The following CTNND2 variants were observed in gnomAD, a reference collection of about 807,000 sequenced individuals.
CTNND2 encodes the protein catenin delta-2.
A neutral mutation model predicts 144.4 loss-of-function variants in CTNND2; 22 were observed. That is an observed-to-expected ratio of 0.15 (90% CI 0.11 to 0.22). The LOEUF (loss-of-function observed/expected upper bound fraction) is 0.22. Among genes scored for constraint, CTNND2 ranks in the 10% least tolerant of loss-of-function variants. The pLI, the probability that CTNND2 is intolerant of heterozygous loss-of-function variation, is 1.00. For synonymous variants in CTNND2, 751 were observed against 695.6 expected, an observed-to-expected ratio of 1.08 and a Z score of -1.25; for missense variants, 1,353 against 1,618.8, an observed-to-expected ratio of 0.84 and a Z score of 2.82.
intron 11 of CTNND2, among the ~76,000 whole-genome samples, chr5:11,189,353 C>T (rs1261383565): frequency 6.6e-6 from 1 of 152,162 alleles, no homozygotes; most frequent in African/African-American, 2.4e-5. Flanking sequence ...TGACTTTGAA[C>T]AACATGGTTT....
At chr5:11,409,012 C>T (rs1761309533) in intron 5 of CTNND2, among the ~76,000 whole-genome samples, 1 of 151,904 alleles carries the variant, frequency 6.6e-6, no homozygotes, top group Non-Finnish European at 1.5e-5. Flanking sequence ...TTAAGATTTT[C>T]CCCAAATAAG....
At chr5:11,413,076 T>C (rs1047508898) in intron 3 of CTNND2, among the ~76,000 whole-genome samples, 3 of 152,142 alleles carry the variant, frequency 2.0e-5, no homozygotes, top group African/African-American at 7.2e-5. Context: ...TTAAGAGACA[T>C]GTGACTGTTA....
intron 2 of CTNND2, among the ~76,000 whole-genome samples, chr5:11,589,316 A>ACACACG (rs1215796926): frequency 7.1e-4 from 77 of 108,892 alleles, no homozygotes; most frequent in Middle Eastern, 6.0e-3. Context: ...CACACACGAC[A>ACACACG]ACAACAACAA....
chr5:11,222,001 A>T (rs145564752), intron 10 of CTNND2, among the ~76,000 whole-genome samples: 1 of 152,358 alleles, frequency 6.6e-6, no homozygotes, highest in African/African-American at 2.4e-5. Flanking sequence ...TCTCTAAACG[A>T]TGACATATCA....
intron 9 of CTNND2, among the ~76,000 whole-genome samples, chr5:11,293,655 T>C (rs1010297198): frequency 6.6e-6 from 1 of 151,310 alleles, no homozygotes; most frequent in African/African-American, 2.4e-5. Context: ...GTAGAGCAAC[T>C]GAATGAAAAA....
chr5:11,073,715 C>G (rs1190731487), intron 16 of CTNND2, among the ~76,000 whole-genome samples: 2 of 152,254 alleles, frequency 1.3e-5, no homozygotes, highest in East Asian at 3.9e-4. Context: ...AAATTAGGTT[C>G]TGGGGTTTAG....
intron 2 of CTNND2, among the ~76,000 whole-genome samples, chr5:11,621,280 C>T (rs1561628380): frequency 6.6e-6 from 1 of 151,908 alleles, no homozygotes; most frequent in African/African-American, 2.4e-5. Context: ...TCTGGCAATG[C>T]AAAAAAATCT....
At chr5:11,779,195 T>G (rs184280297) in intron 1 of CTNND2, among the ~76,000 whole-genome samples, 3 of 152,298 alleles carry the variant, frequency 2.0e-5, no homozygotes, top group East Asian at 3.9e-4. Context: ...ACATACTGAG[T>G]GTAAAACAAT....
At chr5:11,364,650 C>G (rs375723001) in intron 8 of CTNND2, 46 bp downstream of exon 8, 3 of 1,513,036 alleles carry the variant, frequency 2.0e-6, no homozygotes, top group African/African-American at 2.8e-5. Flanking sequence ...CCGCGCAGAG[C>G]CCACCCCCTG....
At chr5:11,597,980 A>T (rs1053903440) in intron 2 of CTNND2, among the ~76,000 whole-genome samples, 1 of 152,102 alleles carries the variant, frequency 6.6e-6, no homozygotes, top group Non-Finnish European at 1.5e-5. Context: ...CACTGAAATT[A>T]CCCTTTTCCA....
intron 8 of CTNND2, among the ~76,000 whole-genome samples, chr5:11,359,004 T>C (rs575597573): frequency 1.3e-5 from 2 of 152,360 alleles, no homozygotes; most frequent in East Asian, 1.9e-4. Context: ...TACTGGTTTA[T>C]AAAAATGTGT....
At chr5:11,452,350 T>C (rs968911906) in intron 3 of CTNND2, among the ~76,000 whole-genome samples, 6 of 152,212 alleles carry the variant, frequency 3.9e-5, no homozygotes, top group Non-Finnish European at 8.8e-5. Flanking sequence ...AATGAGTTGC[T>C]ATGGAAAATA....
At chr5:11,152,826 A>C (rs1035603909) in intron 12 of CTNND2, among the ~76,000 whole-genome samples, 2 of 152,156 alleles carry the variant, frequency 1.3e-5, no homozygotes, top group African/African-American at 4.8e-5. Context: ...AGACACACTG[A>C]TCAGGACTAA....
At chr5:11,024,042 G>A (rs562921685) in intron 16 of CTNND2, among the ~76,000 whole-genome samples, 2 of 152,286 alleles carry the variant, frequency 1.3e-5, no homozygotes, top group South Asian at 2.1e-4. Context: ...AGCTCCTAAA[G>A]GCTGTTTGAA....
intron 12 of CTNND2, among the ~76,000 whole-genome samples, chr5:11,135,616 T>C (rs1193826426): frequency 1.3e-5 from 2 of 152,232 alleles, no homozygotes; most frequent in African/African-American, 4.8e-5. Flanking sequence ...CAAATACTCA[T>C]CATGGAATAT....
At chr5:11,768,310 G>C (rs1789714030) in intron 1 of CTNND2, among the ~76,000 whole-genome samples, 1 of 137,394 alleles carries the variant, frequency 7.3e-6, no homozygotes, top group Non-Finnish European at 1.5e-5. Flanking sequence ...TTTGTTTTGT[G>C]ACAGAGTCTC....
intron 2 of CTNND2, among the ~76,000 whole-genome samples, chr5:11,602,499 AG>A (rs1307513621): frequency 6.6e-6 from 1 of 151,910 alleles, no homozygotes; most frequent in Non-Finnish European, 1.5e-5. Flanking sequence ...CACAGAGACC[AG>A]AGCGTCTCTT....
At chr5:11,380,245 A>G (rs986459351) in intron 7 of CTNND2, among the ~76,000 whole-genome samples, 9 of 152,198 alleles carry the variant, frequency 5.9e-5, no homozygotes, top group African/African-American at 1.9e-4. Flanking sequence ...CATATGCCCA[A>G]CACAGACACT....
At chr5:11,394,793 A>G (rs1195377571) in intron 6 of CTNND2, among the ~76,000 whole-genome samples, 1 of 152,254 alleles carries the variant, frequency 6.6e-6, no homozygotes, top group Non-Finnish European at 1.5e-5. Context: ...AGAGATTTTT[A>G]AATACTGAAA....
Sources: allele counts gnomAD v4.1 joint callset (sites outside exome capture counted in the v4.1 genomes callset), GRCh38; gene constraint gnomAD v4.1.1; transcripts MANE v1.5; gene names NCBI Gene and HGNC (gene_info 2026-07-23, HGNC 2026-07-21).